LARGE1: variants seen among roughly 807,000 people sequenced by gnomAD.
LARGE1 encodes LARGE xylosyl- and glucuronyltransferase 1.
Under a neutral mutation model 87.6 loss-of-function variants are expected in LARGE1, and 43 were observed. That is an observed-to-expected ratio of 0.49 (90% CI 0.38 to 0.63). The LOEUF (loss-of-function observed/expected upper bound fraction) is 0.63. Among genes scored for constraint, LARGE1 ranks in the 30% least tolerant of loss-of-function variants. The pLI is 0.00. For missense variants in LARGE1, 802 were observed against 1,000.2 expected (o/e 0.80, Z 2.67); for synonymous variants, 434 against 394.6 (o/e 1.10, Z -1.18).
At chr22:33,398,128 G>T (rs1016647991) in intron 7 of LARGE1, among the ~76,000 whole-genome samples, 1 of 151,966 alleles carries the variant, frequency 6.6e-6, no homozygotes, top group Non-Finnish European at 1.5e-5. Flanking sequence ...CACCAACAGA[G>T]ACCCCCTTCT....
At position 33,469,827 on chromosome 22, in the gene LARGE1, T is replaced by TAAAAACA. The variant is rs368924028; in HGVS notation, c.788-37569_788-37563dup. 6.6e-3 allele frequency among the ~76,000 whole-genome samples: 891 copies of TAAAAACA among 135,846 alleles called. 4 individuals are homozygous for TAAAAACA. Among genetic ancestry groups the TAAAAACA allele is most frequent in the Non-Finnish European group, 8.1e-3 (522 of 64,720 alleles). 89.1% of individuals were successfully genotyped at this position (135,846 alleles called of 152,430 possible). A position where few individuals can be genotyped will look rare whatever the true frequency, so the allele number is the denominator to read the frequency against. ...TGGGCGACAGAGTGAGACTCCATCTTAAAAACAAAAAACAAAAAACAAAAA... is the reference window on the plus strand; with the variant it reads ...TGGGCGACAGAGTGAGACTCCATCTTAAAAACAAAAAACAAAAAACAAAAAACAAAAA... On this transcript the variant is annotated intron_variant, in intron 6 of 14. Transcript: ENST00000397394.
At chr22:33,276,264 AT>A (rs1431262228) in intron 14 of LARGE1, among the ~76,000 whole-genome samples, 4 of 151,878 alleles carry the variant, frequency 2.6e-5, no homozygotes, top group African/African-American at 9.6e-5. Context: ...CCTTCTTCTA[AT>A]TTAACCAGAG....
chr22:33,392,769 G>A (rs1428791063), intron 7 of LARGE1, among the ~76,000 whole-genome samples: 1 of 152,202 alleles, frequency 6.6e-6, no homozygotes, highest in East Asian at 1.9e-4. Context: ...CACCAGTGCT[G>A]TAGTGGGAAT....
In LARGE1 at chr22:33,203,546, C is replaced by T. The variant is rs1454093009; in HGVS notation, c.1731-36714G>A. ...GGTTATGGTGTGAAGGCTTCCACAG[C>T]TGTCAGTGTTTTCAGCCGGGGCATG... On this transcript the variant is annotated intron_variant, in intron 11 of 11. Coordinates refer to the LARGE1 transcript ENST00000608642. Among the ~76,000 whole-genome samples, 3 of 152,088 alleles carry T rather than the reference C, an allele frequency of 2.0e-5. No individual in the cohort carries two copies. The East Asian group carries it at 5.8e-4, about 29-fold the overall frequency.
chr22:33,757,514 G>T (rs1208709699), intron 2 of LARGE1, among the ~76,000 whole-genome samples: 2 of 152,156 alleles, frequency 1.3e-5, no homozygotes, highest in Non-Finnish European at 2.9e-5. Flanking sequence ...GGTGATTTGA[G>T]ATCCTGAGAC....
intron 2 of LARGE1, among the ~76,000 whole-genome samples, chr22:33,659,010 C>A (rs1481687854): frequency 6.6e-6 from 1 of 152,182 alleles, no homozygotes; most frequent in Non-Finnish European, 1.5e-5. Context: ...TGACCCAGAC[C>A]CACATGATTT....
chr22:33,482,974 G>A (rs998060169), intron 6 of LARGE1, among the ~76,000 whole-genome samples: 2 of 152,238 alleles, frequency 1.3e-5, no homozygotes, highest in South Asian at 2.1e-4. Flanking sequence ...GATTGCATGC[G>A]GGATGGACAG....
intron 1 of LARGE1, among the ~76,000 whole-genome samples, chr22:33,867,669 T>A (rs958532126): frequency 2.6e-5 from 4 of 152,210 alleles, no homozygotes; most frequent in Non-Finnish European, 5.9e-5. Flanking sequence ...CCACGTTGAA[T>A]CACTGGATCT....
intron 12 of LARGE1, among the ~76,000 whole-genome samples, chr22:33,293,383 G>A (rs1300814324): frequency 6.6e-6 from 1 of 152,146 alleles, no homozygotes; most frequent in Non-Finnish European, 1.5e-5. Context: ...AGATATTAAA[G>A]TTCTGAGAGG....
intron 1 of LARGE1, among the ~76,000 whole-genome samples, chr22:33,901,214 G>T (rs1015413513): frequency 6.6e-6 from 1 of 152,088 alleles, no homozygotes; most frequent in Non-Finnish European, 1.5e-5. Context: ...GAACCAGAAG[G>T]GTTCTCACCG....
chr22:33,718,220 G>A (rs1012586393), intron 2 of LARGE1, among the ~76,000 whole-genome samples: 2 of 152,180 alleles, frequency 1.3e-5, no homozygotes, highest in African/African-American at 4.8e-5. Flanking sequence ...AATACCAACA[G>A]GCTGACCAAA....
At chr22:33,299,746 A>G (rs577136045) in intron 12 of LARGE1, among the ~76,000 whole-genome samples, 2 of 152,322 alleles carry the variant, frequency 1.3e-5, no homozygotes, top group South Asian at 2.1e-4. Flanking sequence ...CAACTCACAC[A>G]CTTGATTAGT....
intron 1 of LARGE1, chr22:33,889,188 T>C (rs2064939602): frequency 8.4e-6 from 1 of 118,414 alleles, no homozygotes; most frequent in Non-Finnish European, 1.9e-5. Context: ...CGTGAGCTTT[T>C]TCTCAAGCCC....
At chr22:33,502,473 T>C (rs190899872) in intron 6 of LARGE1, among the ~76,000 whole-genome samples, 7 of 152,214 alleles carry the variant, frequency 4.6e-5, no homozygotes, top group Non-Finnish European at 8.8e-5. Flanking sequence ...AGCGGTGAAG[T>C]TCAACAGGCA....
chr22:33,210,558 C>T (rs921940529), intron 11 of LARGE1, among the ~76,000 whole-genome samples: 1 of 152,218 alleles, frequency 6.6e-6, no homozygotes, highest in Non-Finnish European at 1.5e-5. Context: ...TGCTGTTTTG[C>T]CTACCCCGCC....
chr22:33,308,588 G>A (rs572892945), intron 11 of LARGE1, among the ~76,000 whole-genome samples: 1 of 152,268 alleles, frequency 6.6e-6, no homozygotes, highest in Non-Finnish European at 1.5e-5. Flanking sequence ...TTTGGTCCAT[G>A]CGATATTAGC....
In LARGE1 at chr22:33,389,572, C is replaced by T. The variant is rs547496782; in HGVS notation, c.893-5268G>A. ...TTAGAAAAGCCAAACTAGCTGGGTG[C>T]GGTGGCTCATGCCTGTAATCCCAGC... On this transcript the variant is annotated intron_variant, in intron 7 of 14. Transcript: ENST00000397394. 7.9e-5 allele frequency among the ~76,000 whole-genome samples: 12 copies of T among 152,278 alleles called. No individual in the cohort carries two copies. The East Asian group carries it at 9.7e-4, about 12-fold the overall frequency.
chr22:33,801,053 T>C (rs1299654243), intron 1 of LARGE1, among the ~76,000 whole-genome samples: 1 of 152,124 alleles, frequency 6.6e-6, no homozygotes, highest in African/African-American at 2.4e-5. Context: ...GCTATTCTCA[T>C]GATAGTGAGT....
intron 6 of LARGE1, among the ~76,000 whole-genome samples, chr22:33,500,848 T>C (rs530062270): frequency 6.6e-6 from 1 of 152,316 alleles, no homozygotes; most frequent in South Asian, 2.1e-4. Context: ...TCCAAACAAG[T>C]GGCTTAATGG....
Sources: gnomAD v4.1 joint callset for allele counts (sites outside exome capture counted in the v4.1 genomes callset) on GRCh38, gnomAD v4.1.1 for gene constraint, MANE v1.5 for transcripts, NCBI Gene and HGNC (gene_info 2026-07-23, HGNC 2026-07-21) for gene names.